The following RDH10 variants were observed in gnomAD, a reference collection of about 807,000 sequenced individuals.
RDH10 encodes retinol dehydrogenase 10 (all-trans).
In RDH10, 12 loss-of-function variants were observed where a neutral mutation model predicts 30.2. That is an observed-to-expected ratio of 0.40 (90% CI 0.25 to 0.64). RDH10 has a LOEUF of 0.64. Ranked by LOEUF, RDH10 falls within the 30% of genes least tolerant of loss-of-function variation. The pLI, the probability that RDH10 is intolerant of heterozygous loss-of-function variation, is 0.43. For missense variants in RDH10, 268 were observed against 445.2 expected, an observed-to-expected ratio of 0.60 and a Z score of 3.58; for synonymous variants, 189 against 172.2, an observed-to-expected ratio of 1.10 and a Z score of -0.76.
intron 2 of RDH10, among the ~76,000 whole-genome samples, chr8:73,318,022 T>C (rs987765946): frequency 6.7e-6 from 1 of 148,950 alleles, no homozygotes; most frequent in Non-Finnish European, 1.5e-5. Flanking sequence ...GGAATGCAGC[T>C]CTTCCTTAAG....
At chr8:73,320,283 T>A (rs1215698993) in intron 3 of RDH10, among the ~76,000 whole-genome samples, 1 of 152,204 alleles carries the variant, frequency 6.6e-6, no homozygotes, top group Non-Finnish European at 1.5e-5. Context: ...CCTCTCTCCA[T>A]TTTAACTTCA....
At chr8:73,300,933 A>G (rs569834240) in intron 2 of RDH10, among the ~76,000 whole-genome samples, 116 of 152,020 alleles carry the variant, frequency 7.6e-4, no homozygotes, top group African/African-American at 2.5e-3. Flanking sequence ...TCTTTCCATT[A>G]ATCTCTCACA....
In RDH10 at chr8:73,323,563, T is replaced by A. The variant is rs1394045687; in HGVS notation, c.*527T>A. ...TCTTTTGAAAAGGAATTTTGAAATC[T>A]CCATCAACTGAAGTAAATGATGTCT... is the stretch of plus-strand genomic sequence containing the variant. On this transcript the variant is annotated 3_prime_UTR_variant, in exon 6 of 6. Coordinates refer to ENST00000240285, the MANE Select transcript of RDH10 (RefSeq NM_172037.5). 6.5e-6 allele frequency: 1 copy of A among 153,582 alleles called. No individual in the cohort carries two copies. Among genetic ancestry groups the A allele is most frequent in the East Asian group, 1.9e-4 (1 of 5,228 alleles). 9.5% of individuals were successfully genotyped at this position (153,582 alleles called of 1,614,324 possible).
intron 1 of RDH10, among the ~76,000 whole-genome samples, chr8:73,296,577 T>C (rs1383613421): frequency 6.6e-6 from 1 of 152,220 alleles, no homozygotes; most frequent in East Asian, 1.9e-4. Flanking sequence ...AATTGTCAAG[T>C]TCTTATGCGG....
At position 73,318,648 on chromosome 8, in the gene RDH10, G is replaced by A. The variant is rs577394922; in HGVS notation, c.526-448G>A. Among the ~76,000 whole-genome samples, 26 of 152,312 alleles carry A rather than the reference G, an allele frequency of 1.7e-4. No homozygotes were observed. In the South Asian group the frequency reaches 4.3e-3, roughly 25 times the overall value. On this transcript the variant is annotated intron_variant, in intron 2 of 5. Transcript: ENST00000240285. ...TCTTCATTGATAGGTCTATTACTAC[G>A]TAGACATCGCCGTAAGGCACACATT...
At chr8:73,314,721 C>T (rs531097724) in intron 2 of RDH10, among the ~76,000 whole-genome samples, 3 of 152,180 alleles carry the variant, frequency 2.0e-5, no homozygotes, top group Non-Finnish European at 2.9e-5. Flanking sequence ...CAGTTCCCTC[C>T]GCGCAGCTCT....
rs937980018 is a variant in RDH10, at chr8:73,300,760, G to T, written c.525+3331G>T. ...AACACCCTCTTCCTCCATTCCACGT[G>T]TCTTTTAAGGTGTAGCTCAAGTTTC... On this transcript the variant is annotated intron_variant, in intron 2 of 5. Transcript: ENST00000240285. Among the ~76,000 whole-genome samples the T allele has an allele frequency of 4.6e-5, 7 of 152,292 alleles. No homozygotes were observed. The East Asian group carries it at 1.3e-3, about 29-fold the overall frequency.
intron 2 of RDH10, among the ~76,000 whole-genome samples, chr8:73,308,348 T>A (rs2130366651): frequency 6.6e-6 from 1 of 152,352 alleles, no homozygotes; most frequent in East Asian, 1.9e-4. Flanking sequence ...ATTTTCAAAA[T>A]TGTGCACTTT....
At chr8:73,316,364 A>G (rs1814663970) in intron 2 of RDH10, among the ~76,000 whole-genome samples, 1 of 152,176 alleles carries the variant, frequency 6.6e-6, no homozygotes, top group South Asian at 2.1e-4. Context: ...TTGTGATGTT[A>G]CTTTATTTCA....
chr8:73,323,121 A>T lies in RDH10; in HGVS notation c.*85A>T. On this transcript the variant is annotated 3_prime_UTR_variant, in exon 6 of 6. Coordinates refer to ENST00000240285, the MANE Select transcript of RDH10 (RefSeq NM_172037.5). ...TGCACATCAGCATTGCTGACATTTT[A>T]TGGATTCTAAACTTGTGTTGTTTCT... The T allele has an allele frequency of 5.5e-6, 6 of 1,094,148 alleles. No individual in the cohort carries two copies. Among genetic ancestry groups the T allele is most frequent in the Non-Finnish European group, 8.2e-6 (6 of 728,446 alleles). 67.8% of individuals were successfully genotyped at this position (1,094,148 alleles called of 1,614,324 possible).
At chr8:73,295,728 G>A (rs959546397) in intron 1 of RDH10, 150 bp downstream of exon 1, 5 of 953,128 alleles carry the variant, frequency 5.2e-6, no homozygotes, top group Admixed American at 3.4e-5. Context: ...AGTGGAATTC[G>A]CTTCCTGATA....
At chr8:73,321,514 A>G (rs1188924100) in intron 4 of RDH10, among the ~76,000 whole-genome samples, 4 of 152,204 alleles carry the variant, frequency 2.6e-5, no homozygotes, top group Non-Finnish European at 5.9e-5. Flanking sequence ...ATTGAATATT[A>G]CACTCCAGAT....
chr8:73,294,838 C>T lies in RDH10; in HGVS notation c.-452C>T. ...TCGAGTTGACAACTCCCGCGGCAGC[C>T]CGCTGGCCCGTGCCGCCTCCGCTGC... On this transcript the variant is annotated 5_prime_UTR_variant, in exon 1 of 6. Transcript: ENST00000240285. The T allele has an allele frequency of 2.6e-6, 1 of 386,410 alleles. No homozygotes were observed. Among genetic ancestry groups the T allele is most frequent in the East Asian group, 3.7e-5 (1 of 27,292 alleles). 23.9% of individuals were successfully genotyped at this position (386,410 alleles called of 1,614,324 possible).
intron 2 of RDH10, among the ~76,000 whole-genome samples, chr8:73,301,039 A>ATTTTT (rs1563547188): frequency 1.0e-5 from 1 of 98,800 alleles, no homozygotes; most frequent in African/African-American, 4.0e-5. Flanking sequence ...ACAAAACTCT[A>ATTTTT]TTCTTTTTTT....
At chr8:73,300,166 A>AT (rs923532844) in intron 2 of RDH10, among the ~76,000 whole-genome samples, 1 of 152,178 alleles carries the variant, frequency 6.6e-6, no homozygotes, top group African/African-American at 2.4e-5. Context: ...TTAAGAATTT[A>AT]TTTTCAATAT....
chr8:73,319,678 G>A (rs182015189), intron 3 of RDH10, among the ~76,000 whole-genome samples: 86 of 152,364 alleles, frequency 5.6e-4, no homozygotes, highest in Admixed American at 2.4e-3. Context: ...ATGGCAGGAG[G>A]CACAGGGCCA....
Position 73,323,633 on chromosome 8 carries a change from A to G in RDH10, c.*597A>G, listed in dbSNP as rs1240631767. ...ACCAAGTCTCTTTCTTAAAGTCACA[A>G]TGACTAAAGTATTAGTTGAATTTTT... On this transcript the variant is annotated 3_prime_UTR_variant, in exon 6 of 6. Transcript: ENST00000240285. 1 of 151,628 alleles carries G rather than the reference A, an allele frequency of 6.6e-6. No homozygotes were observed. The highest frequency in any genetic ancestry group is 2.4e-5 in the African/African-American group (1 of 41,232). 9.4% of individuals were successfully genotyped at this position (151,628 alleles called of 1,614,324 possible). A position where few individuals can be genotyped will look rare whatever the true frequency, so the allele number is the denominator to read the frequency against.
At chr8:73,295,657 C>A in intron 1 of RDH10, 79 bp downstream of exon 1, 1 of 1,333,386 alleles carries the variant, frequency 7.5e-7, no homozygotes, top group Non-Finnish European at 9.9e-7. Flanking sequence ...GCCCCAAACC[C>A]CGCTGCCTGG....
chr8:73,295,833 T>A (rs946782996), intron 1 of RDH10: 3 of 1,259,322 alleles, frequency 2.4e-6, no homozygotes, highest in Non-Finnish European at 3.0e-6. Context: ...AGGGGGCGGG[T>A]TTCCTAAGCC....
Sources: allele counts gnomAD v4.1 joint callset (sites outside exome capture counted in the v4.1 genomes callset), GRCh38; gene constraint gnomAD v4.1.1; transcripts MANE v1.5; gene names NCBI Gene and HGNC (gene_info 2026-07-23, HGNC 2026-07-21).